The following LYST variants were observed in gnomAD, a reference collection of about 807,000 sequenced individuals.
LYST encodes the protein lysosomal trafficking regulator.
In LYST, 192 loss-of-function variants were observed where a neutral mutation model predicts 413.6. That is an observed-to-expected ratio of 0.46 (90% confidence interval 0.41 to 0.52). LYST has a LOEUF of 0.52. Ranked by LOEUF, LYST falls within the 20% of genes least tolerant of loss-of-function variation. The probability of loss-of-function intolerance (pLI) is 0.00; values close to 1 mark genes in which losing one functional copy is unlikely to be tolerated. For synonymous variants in LYST, 1,525 were observed against 1,567.3 expected (o/e 0.97, Z 0.64); for missense variants, 3,815 against 4,499.9 (o/e 0.85, Z 4.35).
At position 235,780,881 on chromosome 1, in the gene LYST, T is replaced by G; in HGVS notation, c.5198A>C (p.Asp1733Ala). ...AAAACTTACAATTAAGAGACCAATA[T>G]CCACATCTTTCTTGGTCATAAAAAG... The part of the protein sequence containing the change: ...RELFMTKKDV[D>A]IGLLIESLSV... The change falls in exon 16 of 53, where the codon GAT becomes GCT. Residue 1733 changes from aspartate (D) to alanine (A), a missense_variant. Physicochemically the swap from Asp to Ala is moderately radical, Grantham distance 126. Transcript: ENST00000389793. 6.6e-7 allele frequency: 1 copy of G among 1,512,596 alleles called. No individual in the cohort carries two copies. The highest frequency in any genetic ancestry group is 9.0e-7 in the Non-Finnish European group (1 of 1,107,822). The allele number at this position is 1,512,596 out of a possible 1,614,324, so 93.7% of individuals were successfully genotyped here.
chr1:235,847,118 T>A (rs1471206327), intron 1 of LYST, among the ~76,000 whole-genome samples: 1 of 152,194 alleles, frequency 6.6e-6, no homozygotes, highest in African/African-American at 2.4e-5. Flanking sequence ...TTTTAAGAGC[T>A]GTGAAACAGT....
At position 235,674,439 on chromosome 1, in the gene LYST, G is replaced by A. The variant is rs1273524914; in HGVS notation, c.11038+2652C>T. 6.6e-6 allele frequency among the ~76,000 whole-genome samples: 1 copy of A among 150,748 alleles called. No homozygotes were observed. The highest frequency in any genetic ancestry group is 2.4e-5 in the African/African-American group (1 of 40,960). ...AAAAAGTGTCCCCCTCGGGTCTTTTGATCGTCACATATATATAAATGCTAT... is the reference window on the plus strand; with the variant it reads ...AAAAAGTGTCCCCCTCGGGTCTTTTAATCGTCACATATATATAAATGCTAT... On this transcript the variant is annotated intron_variant, in intron 50 of 52. Transcript: ENST00000389793. This position sits in a 1 kb window ranked among gnomAD's most constrained non-coding sequence, Gnocchi z 4.1.
intron 41 of LYST, 136 bp from the exon 42 acceptor site, chr1:235,715,493 T>C: frequency 1.3e-6 from 1 of 790,574 alleles, no homozygotes; most frequent in Non-Finnish European, 2.1e-6. Flanking sequence ...CTCCCACTCT[T>C]ACCCAGGAGA....
intron 30 of LYST, among the ~76,000 whole-genome samples, chr1:235,743,044 A>G (rs1327101024): frequency 6.6e-6 from 1 of 152,206 alleles, no homozygotes; most frequent in Non-Finnish European, 1.5e-5. Context: ...GAAAAAAAAT[A>G]GTATATACAG....
chr1:235,737,848 C>T (rs1438425357), intron 31 of LYST: 52 of 986,864 alleles, frequency 5.3e-5, no homozygotes, highest in Non-Finnish European at 6.0e-5. Flanking sequence ...AAGGAAACAG[C>T]ATTTATCCTG....
intron 41 of LYST, among the ~76,000 whole-genome samples, chr1:235,716,073 T>G (rs1662813940): frequency 6.6e-6 from 1 of 152,174 alleles, no homozygotes; most frequent in East Asian, 1.9e-4. Flanking sequence ...TGCTGAAGAA[T>G]CAAGTAGTGA....
Position 235,808,999 on chromosome 1 carries a change from A to C in LYST, c.1819T>G (p.Phe607Val). ...AGGATATTCAATATATGCTGCTGAA[A>C]ATTTTTCAGTGCTGGCAATTTAAAA... Reference protein sequence around the residue: ...HAFKLPALKNFQQHILNILNK... With the variant: ...HAFKLPALKNVQQHILNILNK... The change falls in exon 5 of 53, where the codon TTT (phenylalanine) becomes GTT (valine). Residue 607 changes from phenylalanine (F) to valine (V), a missense_variant. By Grantham distance (50) the Phe-to-Val change is conservative (BLOSUM62 -1). Around this residue, in one of 4 missense-constraint regions of LYST, gnomAD observed 1,648 missense variants for 1,810.3 expected, o/e 0.91. Coordinates refer to ENST00000389793, the MANE Select transcript of LYST (RefSeq NM_000081.4). The C allele has an allele frequency of 6.2e-7, 1 of 1,614,056 alleles. No homozygotes were observed. The highest frequency in any genetic ancestry group is 1.1e-5 in the South Asian group (1 of 91,078).
intron 3 of LYST, among the ~76,000 whole-genome samples, chr1:235,829,249 A>T (rs571655166): frequency 1.3e-5 from 2 of 152,224 alleles, no homozygotes; most frequent in Non-Finnish European, 2.9e-5. Context: ...TTCCATGACA[A>T]GTAAATGCTT....
chr1:235,780,723 A>G, intron 16 of LYST, 142 bp downstream of exon 16: 1 of 402,850 alleles, frequency 2.5e-6, no homozygotes, highest in Non-Finnish European at 4.4e-6. Context: ...AATTTTTTTC[A>G]GAAAAAAACA....
At chr1:235,795,233 GCA>G (rs949454662) in intron 10 of LYST, among the ~76,000 whole-genome samples, 19 of 152,290 alleles carry the variant, frequency 1.2e-4, no homozygotes, top group African/African-American at 4.6e-4. Context: ...TCAGTACAGA[GCA>G]CAGATAGTTC....
chr1:235,738,007 C>G, intron 31 of LYST: 3 of 1,494,786 alleles, frequency 2.0e-6, no homozygotes, highest in Non-Finnish European at 2.7e-6. Context: ...CTCAAGTATA[C>G]GCTCAAGGAT....
In LYST at chr1:235,810,348, T is replaced by C; in HGVS notation, c.470A>G (p.Asp157Gly). ...GGTGGAGAGCTGTGTCTTTCTTGCA[T>C]CTCTTACAGAATAGCGATGGGTAAT... ...RKITHRYSVR[D>G]ARKTQLSTSD... Residue 157 changes from aspartate (D) to glycine (G), a missense_variant, in exon 5 of 53, where the codon GAT becomes GGT. This residue lies in a region of LYST where 1,648 missense variants were observed against 1,810.3 expected (regional missense o/e 0.91). Coordinates refer to ENST00000389793, the MANE Select transcript of LYST (RefSeq NM_000081.4). 1.2e-6 allele frequency: 2 copies of C among 1,614,138 alleles called. No homozygotes were observed. The highest frequency in any genetic ancestry group is 1.1e-5 in the South Asian group (1 of 91,084).
chr1:235,738,302 G>A lies in LYST; in HGVS notation c.8358+3120C>T, dbSNP rs1191166446. On this transcript the variant is annotated intron_variant, in intron 31 of 52. Transcript: ENST00000389793. Reference sequence around the variant, plus strand: ...CTATCACGGCTGAGGCACATCGCAAGAGGGAGAAAGCCATCTTAATTTGGT... The same window carrying A: ...CTATCACGGCTGAGGCACATCGCAAAAGGGAGAAAGCCATCTTAATTTGGT... The A allele has an allele frequency of 5.0e-6, 8 of 1,611,718 alleles. No individual in the cohort carries two copies. The East Asian group carries it at 8.9e-5, about 18-fold the overall frequency.
At chr1:235,708,171 A>G (rs904953601) in intron 44 of LYST, among the ~76,000 whole-genome samples, 2 of 152,180 alleles carry the variant, frequency 1.3e-5, no homozygotes, top group Non-Finnish European at 2.9e-5. Context: ...ATTATTATAT[A>G]AATGGAATGA....
chr1:235,803,144 A>T, intron 7 of LYST, 80 bp from the exon 8 acceptor site: 1 of 1,129,008 alleles, frequency 8.9e-7, no homozygotes, highest in Admixed American at 1.8e-5. Context: ...AAGTCATGTT[A>T]AGGACAGTTT....
intron 31 of LYST, among the ~76,000 whole-genome samples, chr1:235,740,297 A>C (rs1407310291): frequency 6.6e-6 from 1 of 152,110 alleles, no homozygotes; most frequent in Non-Finnish European, 1.5e-5. Context: ...TAAAGCATAG[A>C]TATATTAAGT....
chr1:235,834,872 C>T (rs1676394886), intron 1 of LYST, among the ~76,000 whole-genome samples: 3 of 152,084 alleles, frequency 2.0e-5, no homozygotes, highest in African/African-American at 7.2e-5. Context: ...TCCTAACACA[C>T]CTTCCATACC....
intron 3 of LYST, chr1:235,827,569 C>G: frequency 1.0e-6 from 1 of 979,660 alleles, no homozygotes; most frequent in Non-Finnish European, 1.2e-6. Flanking sequence ...AATTAATTCC[C>G]CTTAAAAACT....
At position 235,808,586 on chromosome 1, in the gene LYST, T is replaced by C. The variant is rs1179084894; in HGVS notation, c.2232A>G (p.Glu744=). The change falls in exon 5 of 53, where the codon GAA becomes GAG. Residue 744 remains glutamate (E), a synonymous_variant. Transcript: ENST00000389793. ...TTAGGTGTTGACAATGATGTGCTAA[T>C]TCAACTCCTCTTTGGAGCACAGGAT... ...IFNPVLQRGV[E]LAHHCQHLSV... 2.5e-6 allele frequency: 4 copies of C among 1,613,970 alleles called. No homozygotes were observed. The highest frequency in any genetic ancestry group is 3.4e-6 in the Non-Finnish European group (4 of 1,179,980).
Sources: allele counts gnomAD v4.1 joint callset (sites outside exome capture counted in the v4.1 genomes callset), GRCh38; gene constraint gnomAD v4.1.1; regional missense constraint gnomAD v4.1.1; non-coding constraint Gnocchi (gnomAD v3.1); transcripts MANE v1.5; gene names NCBI Gene and HGNC (gene_info 2026-07-23, HGNC 2026-07-21).